UTS2B: variants seen among roughly 807,000 people sequenced by gnomAD.
The protein encoded by UTS2B is urotensin 2B.
UTS2B carries 21 observed loss-of-function variants against 19.2 expected under a neutral mutation model. That is an observed-to-expected ratio of 1.09 (90% CI 0.78 to 1.58). The LOEUF is 1.58. Ranked by LOEUF, UTS2B falls within the 40% of genes most tolerant of loss-of-function variation. The pLI, the probability that UTS2B is intolerant of heterozygous loss-of-function variation, is 0.00. For missense variants in UTS2B, 138 were observed against 130.3 expected (o/e 1.06, Z -0.29); for synonymous variants, 57 against 50.2 (o/e 1.14, Z -0.58).
At chr3:191,298,428 G>T (rs1242909029) in intron 4 of UTS2B, among the ~76,000 whole-genome samples, 1 of 152,144 alleles carries the variant, frequency 6.6e-6, no homozygotes, top group African/African-American at 2.4e-5. Flanking sequence ...TTAAAAGTGT[G>T]TGGCACCTCA....
chr3:191,275,058 C>T (rs1200522012), intron 8 of UTS2B, among the ~76,000 whole-genome samples, 194 bp downstream of exon 8: 2 of 152,228 alleles, frequency 1.3e-5, no homozygotes, highest in African/African-American at 2.4e-5. Flanking sequence ...GAACTTGCCC[C>T]GTTGTAAACA....
chr3:191,329,980 G>C (rs911782551), intron 1 of UTS2B, among the ~76,000 whole-genome samples: 2 of 89,304 alleles, frequency 2.2e-5, no homozygotes, highest in African/African-American at 7.6e-5. Context: ...CAGCAAGTAG[G>C]TGGCTGTGCC....
chr3:191,272,542 C>G (rs1323893760), intron 8 of UTS2B, among the ~76,000 whole-genome samples: 1 of 152,128 alleles, frequency 6.6e-6, no homozygotes, highest in African/African-American at 2.4e-5. Context: ...AATAACTCAT[C>G]TTTTCAGTTA....
intron 4 of UTS2B, among the ~76,000 whole-genome samples, chr3:191,296,774 C>G (rs1471831543): frequency 1.3e-5 from 2 of 152,142 alleles, no homozygotes; most frequent in African/African-American, 2.4e-5. Context: ...CAAAATTAGG[C>G]AGGCCTGGGA....
intron 4 of UTS2B, 112 bp from the exon 5 acceptor site, chr3:191,282,425 GCAGGAAGAAC>G (rs1238927356): frequency 2.4e-6 from 1 of 415,836 alleles, no homozygotes; most frequent in African/African-American, 2.0e-5. Flanking sequence ...GGAGTCAATG[GCAGGAAGAAC>G]CCAATCAATA....
rs533459925 is a variant in UTS2B at position 191,282,028 on chromosome 3, A to C, written c.103+59T>G. The C allele has an allele frequency of 7.8e-5, 96 of 1,234,450 alleles. No individual in the cohort carries two copies. The African/African-American group carries it at 1.2e-3, about 15-fold the overall frequency. 76.5% of individuals were successfully genotyped at this position (1,234,450 alleles called of 1,614,324 possible). ...AATGGCAGAAAAATCAAATTTGTTC[A>C]AATAGAAATAGAAGAATTACTTACC... On this transcript the variant is annotated intron_variant, in intron 5 of 8. Transcript: ENST00000340524.
At chr3:191,291,773 T>G (rs12629952) in intron 4 of UTS2B, among the ~76,000 whole-genome samples, 52,212 of 151,664 alleles carry the variant, frequency 0.34, 9,388 homozygotes, top group East Asian at 0.5. Context: ...AAGTAAAGTT[T>G]TATATATGGT....
intron 4 of UTS2B, among the ~76,000 whole-genome samples, chr3:191,298,986 G>C (rs964792976): frequency 6.6e-6 from 1 of 152,170 alleles, no homozygotes; most frequent in Non-Finnish European, 1.5e-5. Context: ...AATTGATAGT[G>C]ATGATTTAGG....
At chr3:191,308,715 G>A (rs570771824) in intron 3 of UTS2B, among the ~76,000 whole-genome samples, 1 of 152,254 alleles carries the variant, frequency 6.6e-6, no homozygotes, top group South Asian at 2.1e-4. Flanking sequence ...CCTTGGCTGA[G>A]AACCATTGCT....
chr3:191,343,628 A>C, the UTS2B span, among the ~76,000 whole-genome samples: 1 of 152,226 alleles, frequency 6.6e-6, no homozygotes, highest in Non-Finnish European at 1.5e-5. Flanking sequence ...AAAGTAAAGC[A>C]ACCATGTAAA....
intron 4 of UTS2B, among the ~76,000 whole-genome samples, chr3:191,299,970 G>A (rs972994139): frequency 1.3e-5 from 2 of 152,176 alleles, no homozygotes; most frequent in African/African-American, 4.8e-5. Flanking sequence ...TTTAATGACT[G>A]CCCCATTGGC....
chr3:191,291,794 G>T (rs1047172057), intron 4 of UTS2B, among the ~76,000 whole-genome samples: 8 of 145,518 alleles, frequency 5.5e-5, no homozygotes, highest in African/African-American at 2.1e-4. Context: ...GTGAGGTTGG[G>T]TTTCACCTTT....
intron 3 of UTS2B, among the ~76,000 whole-genome samples, chr3:191,314,615 G>A (rs189413194): frequency 1.3e-5 from 2 of 152,276 alleles, no homozygotes; most frequent in Middle Eastern, 3.4e-3. Flanking sequence ...TAGCTTTGAG[G>A]AGTGTAAGCG....
intron 2 of UTS2B, among the ~76,000 whole-genome samples, chr3:191,325,522 C>T (rs941757155): frequency 5.9e-5 from 9 of 152,104 alleles, no homozygotes; most frequent in Non-Finnish European, 1.3e-4. Context: ...TAGTGAATTC[C>T]ATAGGGTGAG....
At chr3:191,329,721 A>C (rs1717882267) in intron 1 of UTS2B, 3 of 1,609,736 alleles carry the variant, frequency 1.9e-6, no homozygotes, top group Non-Finnish European at 2.5e-6. Flanking sequence ...GGAGTCAAGG[A>C]AGGTAAGGGC....
chr3:191,275,954 A>G (rs73888525), intron 7 of UTS2B, among the ~76,000 whole-genome samples: 1,738 of 152,248 alleles, frequency 0.011, 41 homozygotes, highest in African/African-American at 0.04. Flanking sequence ...GTTAATGGGG[A>G]ACATGTAAAT....
chr3:191,299,542 T>C (rs139669130), intron 4 of UTS2B, among the ~76,000 whole-genome samples: 4 of 152,306 alleles, frequency 2.6e-5, no homozygotes, highest in East Asian at 1.9e-4. Flanking sequence ...AGTGCAAGAG[T>C]TGGGGCTTGA....
chr3:191,317,054 G>A (rs1294100772), intron 2 of UTS2B, among the ~76,000 whole-genome samples: 1 of 152,264 alleles, frequency 6.6e-6, no homozygotes, highest in Non-Finnish European at 1.5e-5. Context: ...GTGGCGCCTT[G>A]GAGCAGGGGG....
At chr3:191,328,916 T>C (rs1413592784) in intron 1 of UTS2B, 3 of 152,380 alleles carry the variant, frequency 2.0e-5, no homozygotes, top group Non-Finnish European at 4.4e-5. Flanking sequence ...TTTTATCAGC[T>C]GCTCTTCATT....
Sources: allele counts gnomAD v4.1 joint callset (sites outside exome capture counted in the v4.1 genomes callset), GRCh38; gene constraint gnomAD v4.1.1; transcripts MANE v1.5; gene names NCBI Gene and HGNC (gene_info 2026-07-23, HGNC 2026-07-21).